AMZ2: variants seen among roughly 807,000 people sequenced by gnomAD.
AMZ2 encodes the protein archaelysin family metallopeptidase 2, also known as archaemetzincin-2.
A neutral mutation model predicts 36.7 loss-of-function variants in AMZ2; 26 were observed. The observed-to-expected ratio is 0.71, with a 90% CI of 0.52 to 0.98. AMZ2 has a LOEUF of 0.98. Among genes scored for constraint, AMZ2 ranks in the 50% least tolerant of loss-of-function variants. AMZ2 has a pLI of 0.00. For missense variants in AMZ2, 394 were observed against 430.5 expected, an observed-to-expected ratio of 0.92 and a Z score of 0.75; for synonymous variants, 144 against 149.1, an observed-to-expected ratio of 0.97 and a Z score of 0.25.
At chr17:68,250,049 T>G in intron 1 of AMZ2, 139 bp from the exon 2 acceptor site, 2 of 902,000 alleles carry the variant, frequency 2.2e-6, no homozygotes, top group Non-Finnish European at 3.3e-6. Flanking sequence ...AGGAAACCAC[T>G]CTAAGTGTGA....
intron 4 of AMZ2, among the ~76,000 whole-genome samples, chr17:68,251,660 G>A (rs1443698012): frequency 1.3e-5 from 2 of 151,624 alleles, no homozygotes; most frequent in Non-Finnish European, 2.9e-5. Context: ...AAGTGAGACC[G>A]TGTCTCAAAA....
intron 4 of AMZ2, among the ~76,000 whole-genome samples, chr17:68,251,876 C>T (rs558547689): frequency 3.9e-5 from 6 of 152,316 alleles, no homozygotes; most frequent in South Asian, 2.1e-4. Flanking sequence ...GCTTCTTTCT[C>T]ATCATACGAC....
At chr17:68,242,129 G>T (rs2144649390) in intron 1 of AMZ2, among the ~76,000 whole-genome samples, 1 of 152,148 alleles carries the variant, frequency 6.6e-6, no homozygotes, top group Middle Eastern at 3.4e-3. Flanking sequence ...CTAGTTAGTG[G>T]TATGTTGGTG....
At chr17:68,252,404 T>C (rs568226677) in intron 4 of AMZ2, among the ~76,000 whole-genome samples, 4 of 152,356 alleles carry the variant, frequency 2.6e-5, no homozygotes, top group South Asian at 4.1e-4. Flanking sequence ...GGTCACTACT[T>C]TCTTACTGAT....
upstream of AMZ2, among the ~76,000 whole-genome samples, chr17:68,245,183 G>A (rs1423270713): frequency 2.0e-5 from 3 of 147,262 alleles, no homozygotes; most frequent in Non-Finnish European, 4.5e-5. Flanking sequence ...AAGAGAAAGT[G>A]TCTTTTCCTT....
chr17:68,206,351 C>G (rs2072830987), intron 1 of AMZ2: 1 of 1,105,228 alleles, frequency 9.0e-7, no homozygotes, highest in East Asian at 3.6e-5. Flanking sequence ...CCCGCCTCCC[C>G]CCCAAACAGA....
chr17:68,224,589 A>G (rs1555729406), intron 1 of AMZ2, among the ~76,000 whole-genome samples: 1 of 139,468 alleles, frequency 7.2e-6, no homozygotes, highest in East Asian at 2.2e-4. Context: ...TCTGTTGCCC[A>G]GGCTGGTGTA....
At position 68,251,349 on chromosome 17, in the gene AMZ2, G is replaced by C. The variant is rs868966481; in HGVS notation, c.586+171G>C. 81 of 712,762 alleles carry C rather than the reference G, an allele frequency of 1.1e-4. No homozygotes were observed. In the African/African-American group the frequency reaches 1.4e-3, roughly 12 times the overall value. 44.2% of individuals were successfully genotyped at this position (712,762 alleles called of 1,614,324 possible). ...GCTGTTGGTAGATTGTGATAATCTA[G>C]GTTCTGGTTGGCCACTCACTACCTA... On this transcript the variant is annotated intron_variant, in intron 4 of 6. Coordinates refer to ENST00000359904, the MANE Select transcript of AMZ2 (RefSeq NM_016627.5).
intron 1 of AMZ2, among the ~76,000 whole-genome samples, chr17:68,217,026 C>G (rs2073215220): frequency 7.4e-6 from 1 of 134,284 alleles, no homozygotes; most frequent in Non-Finnish European, 1.5e-5. Context: ...GAGCGAGACT[C>G]CGTCTCAAAA....
chr17:68,213,009 A>C (rs1363977793), intron 1 of AMZ2, among the ~76,000 whole-genome samples: 3 of 152,230 alleles, frequency 2.0e-5, no homozygotes, highest in African/African-American at 7.2e-5. Flanking sequence ...ATTACCATTA[A>C]AAATGATCTA....
chr17:68,250,888 C>G lies in AMZ2; in HGVS notation c.378C>G (p.Leu126=). The G allele has an allele frequency of 6.2e-7, 1 of 1,610,690 alleles. No homozygotes were observed. ...ATTTCTATGGCTTGAGAGTAAAACT[C>G]CTAGAACCAGTTCCTGTTTCTGTAA... The part of the protein sequence containing the change: ...KAYFYGLRVK[L]LEPVPVSVTR... The change falls in exon 3 of 7, where the codon CTC becomes CTG. Residue 126 remains leucine, a synonymous_variant. Coordinates refer to ENST00000359904, the MANE Select transcript of AMZ2 (RefSeq NM_016627.5).
intron 4 of AMZ2, among the ~76,000 whole-genome samples, chr17:68,253,078 C>T (rs1187893744): frequency 6.6e-6 from 1 of 152,118 alleles, no homozygotes; most frequent in African/African-American, 2.4e-5. Flanking sequence ...AAGTGAGACG[C>T]ATTGACTACG....
intron 1 of AMZ2, among the ~76,000 whole-genome samples, chr17:68,225,622 T>C (rs1345892506): frequency 7.9e-5 from 12 of 152,084 alleles, no homozygotes; most frequent in African/African-American, 2.9e-4. Context: ...AGAATTTTAA[T>C]ATTCTTTTCT....
chr17:68,255,057 G>A (rs1418181832), intron 5 of AMZ2, among the ~76,000 whole-genome samples: 4 of 152,146 alleles, frequency 2.6e-5, no homozygotes, highest in Admixed American at 6.6e-5. Context: ...CAGAGAGATG[G>A]GCTTTTCCTT....
At chr17:68,242,884 A>C (rs2073930856) in intron 1 of AMZ2, among the ~76,000 whole-genome samples, 1 of 151,930 alleles carries the variant, frequency 6.6e-6, no homozygotes, top group African/African-American at 2.4e-5. Context: ...TCTACAAAAA[A>C]ACACAAAACA....
intron 1 of AMZ2, among the ~76,000 whole-genome samples, chr17:68,213,920 T>C (rs1478324400): frequency 2.0e-5 from 3 of 151,948 alleles, no homozygotes; most frequent in African/African-American, 7.2e-5. Context: ...ACCATATTTT[T>C]ATTATCTAAG....
rs111622390 is a variant in AMZ2, at chr17:68,227,994, T to C, written c.-66-20646T>C. Among the ~76,000 whole-genome samples, 967 of 152,224 alleles carry C rather than the reference T, an allele frequency of 6.4e-3. 10 individuals are homozygous for C. The highest frequency in any genetic ancestry group is 0.021 in the African/African-American group (887 of 41,526). On this transcript the variant is annotated intron_variant, in intron 1 of 7. Transcript: ENST00000674770. The stretch of plus-strand genomic sequence containing the variant: ...TGGATATATTTTGGGGAGGGAGACA[T>C]TTCCAGCCTGTCACACCCAGCTGCG...
intron 1 of AMZ2, among the ~76,000 whole-genome samples, chr17:68,241,335 A>C (rs1555733926): frequency 6.6e-6 from 1 of 152,246 alleles, no homozygotes; most frequent in Non-Finnish European, 1.5e-5. Flanking sequence ...CATGTACACT[A>C]CTTGGCTCTG....
chr17:68,227,191 C>T (rs2073537489), intron 1 of AMZ2, among the ~76,000 whole-genome samples: 1 of 152,174 alleles, frequency 6.6e-6, no homozygotes, highest in African/African-American at 2.4e-5. Flanking sequence ...GAGAGTCAGC[C>T]TTTGTCACAG....
Sources: allele counts gnomAD v4.1 joint callset (sites outside exome capture counted in the v4.1 genomes callset), GRCh38; gene constraint gnomAD v4.1.1; transcripts MANE v1.5; gene names NCBI Gene and HGNC (gene_info 2026-07-23, HGNC 2026-07-21).